The following SPAG9 variants were observed in gnomAD, a reference collection of about 807,000 sequenced individuals.
The protein encoded by SPAG9 is sperm associated antigen 9.
A neutral mutation model predicts 166.5 loss-of-function variants in SPAG9; 35 were observed. That is an observed-to-expected ratio of 0.21 (90% CI 0.16 to 0.28). SPAG9 has a LOEUF of 0.28. Among genes scored for constraint, SPAG9 ranks in the 10% least tolerant of loss-of-function variants. The pLI is 1.00. For missense variants in SPAG9, 1,235 were observed against 1,603.3 expected (o/e 0.77, Z 3.92); for synonymous variants, 534 against 565.5 (o/e 0.94, Z 0.79).
intron 9 of SPAG9, chr17:51,009,203 C>T: frequency 2.2e-6 from 1 of 444,798 alleles, no homozygotes; most frequent in Non-Finnish European, 4.5e-6. Context: ...TTTCAGAAAG[C>T]AAGAACTAAA....
At chr17:51,018,112 G>A (rs906297615) in intron 8 of SPAG9, among the ~76,000 whole-genome samples, 2 of 152,064 alleles carry the variant, frequency 1.3e-5, no homozygotes, top group Non-Finnish European at 2.9e-5. Flanking sequence ...GGGAGGCTGA[G>A]GCAGGCGGAT....
chr17:51,029,809 T>G (rs1007803899), intron 6 of SPAG9, among the ~76,000 whole-genome samples: 1 of 152,188 alleles, frequency 6.6e-6, no homozygotes, highest in Admixed American at 6.6e-5. Flanking sequence ...AGTTTTAGAT[T>G]TGCAAGATGA....
At chr17:51,113,754 T>G (rs970130175) in intron 1 of SPAG9, among the ~76,000 whole-genome samples, 33 of 151,520 alleles carry the variant, frequency 2.2e-4, no homozygotes, top group African/African-American at 8.0e-4. Context: ...CACAGCACTT[T>G]GGGAGGCTGA....
chr17:51,077,307 G>A (rs2048045268), intron 2 of SPAG9, among the ~76,000 whole-genome samples: 1 of 151,992 alleles, frequency 6.6e-6, no homozygotes, highest in Non-Finnish European at 1.5e-5. Flanking sequence ...ATTTTCAGTA[G>A]AGACGGGGTT....
chr17:51,072,856 T>C (rs141077458), intron 2 of SPAG9, among the ~76,000 whole-genome samples: 9 of 152,300 alleles, frequency 5.9e-5, no homozygotes, highest in East Asian at 1.9e-4. Context: ...AGGGAACTAA[T>C]GATACTTAAA....
chr17:51,041,479 A>T (rs777170325), intron 5 of SPAG9, 22 bp downstream of exon 5: 11 of 1,604,954 alleles, frequency 6.9e-6, no homozygotes, highest in Non-Finnish European at 9.4e-6. Flanking sequence ...AACTGACACA[A>T]TTTCAGCAGC....
chr17:50,968,654 C>G (rs750433129), intron 29 of SPAG9, among the ~76,000 whole-genome samples: 3 of 152,106 alleles, frequency 2.0e-5, no homozygotes, highest in Non-Finnish European at 4.4e-5. Context: ...TTGCTTGAAA[C>G]CGGGAGGTGG....
chr17:50,976,888 G>A (rs1287095825), intron 27 of SPAG9: 9 of 417,564 alleles, frequency 2.2e-5, no homozygotes, highest in Non-Finnish European at 4.3e-6. Context: ...CCTGAACTGT[G>A]AAAATGTTTT....
In SPAG9 at chr17:50,993,959, T is replaced by C. The variant is rs749785018; in HGVS notation, c.2227-24A>G. The C allele has an allele frequency of 1.0e-5, 16 of 1,602,104 alleles. No homozygotes were observed. The Admixed American group carries it at 2.2e-4, about 22-fold the overall frequency. The stretch of plus-strand genomic sequence containing the variant: ...TCCTGTATAGGCAAAGGAGGAAAAA[T>C]GTTTAAAACAATATGTATGTACAAA... On this transcript the variant is annotated intron_variant, in intron 18 of 29. Transcript: ENST00000262013.
intron 16 of SPAG9, chr17:50,995,763 G>GC: frequency 2.2e-6 from 1 of 447,172 alleles, no homozygotes; most frequent in Non-Finnish European, 4.0e-6. Flanking sequence ...TCAGGCTTAA[G>GC]CGGTCCCCTC....
intron 14 of SPAG9, chr17:50,999,386 A>G: frequency 9.8e-7 from 1 of 1,021,124 alleles, no homozygotes; most frequent in Non-Finnish European, 1.4e-6. Flanking sequence ...ATTCCCCATT[A>G]TTTAAATTTG....
At chr17:51,119,787 A>C (rs1259775084) in intron 1 of SPAG9, among the ~76,000 whole-genome samples, 2 of 152,178 alleles carry the variant, frequency 1.3e-5, no homozygotes, top group Admixed American at 1.3e-4. Flanking sequence ...ACAACATCTA[A>C]AAGTTGACAA....
At chr17:51,034,807 T>C (rs987533428) in intron 5 of SPAG9, among the ~76,000 whole-genome samples, 1 of 152,160 alleles carries the variant, frequency 6.6e-6, no homozygotes, top group Non-Finnish European at 1.5e-5. Flanking sequence ...AGTCTCAAAG[T>C]ATATCCACAC....
chr17:51,064,072 G>A lies in SPAG9; in HGVS notation c.425-7590C>T, dbSNP rs139078675. ...CATCTTCCTCTCCACTCCAGTAGAG[G>A]AGTAAATGAGAGCCTGTTCACCTCA... On this transcript the variant is annotated intron_variant, in intron 2 of 29. Transcript: ENST00000262013. Among the ~76,000 whole-genome samples the A allele has an allele frequency of 3.9e-5, 6 of 152,264 alleles. No homozygotes were observed. The East Asian group carries it at 1.2e-3, about 29-fold the overall frequency.
At chr17:51,103,122 T>C (rs549039005) in intron 1 of SPAG9, among the ~76,000 whole-genome samples, 13 of 152,304 alleles carry the variant, frequency 8.5e-5, no homozygotes, top group Non-Finnish European at 1.5e-4. Context: ...TGAAAAACTT[T>C]TTGGAAGTTT....
At chr17:51,015,653 G>A (rs1437525843) in intron 8 of SPAG9, among the ~76,000 whole-genome samples, 1 of 151,468 alleles carries the variant, frequency 6.6e-6, no homozygotes, top group Non-Finnish European at 1.5e-5. Flanking sequence ...CAGAATAAAT[G>A]TTGCATTCGT....
rs1315153191 is a variant in SPAG9 at position 51,063,177 on chromosome 17, G to A, written c.425-6695C>T. Among the ~76,000 whole-genome samples the A allele has an allele frequency of 3.9e-5, 6 of 152,116 alleles. No individual in the cohort carries two copies. In the South Asian group the frequency reaches 1.0e-3, roughly 26 times the overall value. On this transcript the variant is annotated intron_variant, in intron 2 of 29. Coordinates refer to ENST00000262013, the MANE Select transcript of SPAG9 (RefSeq NM_001130528.3). ...TAATCCCAGTACTTTGGGAAGCCGA[G>A]GCAGGCGTATCACCTGAGGTCAGGA...
intron 26 of SPAG9, among the ~76,000 whole-genome samples, chr17:50,979,534 C>T (rs1294286859): frequency 6.6e-6 from 1 of 150,966 alleles, no homozygotes. Context: ...GGTGGCTGTG[C>T]CTACCTACAG....
chr17:51,094,704 T>C (rs904146207), intron 1 of SPAG9, among the ~76,000 whole-genome samples: 2 of 152,236 alleles, frequency 1.3e-5, no homozygotes, highest in African/African-American at 2.4e-5. Flanking sequence ...TTGTCTCATA[T>C]ATGTTTTTAC....
Sources: gnomAD v4.1 joint callset for allele counts (sites outside exome capture counted in the v4.1 genomes callset) on GRCh38, gnomAD v4.1.1 for gene constraint, MANE v1.5 for transcripts, NCBI Gene and HGNC (gene_info 2026-07-23, HGNC 2026-07-21) for gene names.